CREB3L2: variants seen among roughly 807,000 people sequenced by gnomAD.
The protein encoded by CREB3L2 is cyclic AMP-responsive element-binding protein 3-like protein 2.
CREB3L2 carries 23 observed loss-of-function variants against 57.2 expected under a neutral mutation model. The observed-to-expected ratio is 0.40, with a 90% CI of 0.29 to 0.57. The LOEUF is 0.57. Among genes scored for constraint, CREB3L2 ranks in the 20% least tolerant of loss-of-function variants. CREB3L2 has a pLI of 0.42. For missense variants in CREB3L2, 628 were observed against 634.7 expected (o/e 0.99, Z 0.11); for synonymous variants, 268 against 265.1 (o/e 1.01, Z -0.11).
intron 1 of CREB3L2, among the ~76,000 whole-genome samples, chr7:137,947,094 C>G (rs994315306): frequency 6.8e-6 from 1 of 148,132 alleles, no homozygotes; most frequent in African/African-American, 2.6e-5. Context: ...AGCGCTCTCT[C>G]TCTCTCTCGC....
Position 137,958,141 on chromosome 7 carries a change from G to C in CREB3L2, c.103-29775C>G, listed in dbSNP as rs560723549. Reference sequence around the variant, plus strand: ...CTGGGGTCAGTCCTCAGTGGGAAGAGAGTAGAGTTTACAGGCCAGAAGTCA... The same window carrying C: ...CTGGGGTCAGTCCTCAGTGGGAAGACAGTAGAGTTTACAGGCCAGAAGTCA... On this transcript the variant is annotated intron_variant, in intron 1 of 11. Transcript: ENST00000330387. Among the ~76,000 whole-genome samples, 4 of 152,300 alleles carry C rather than the reference G, an allele frequency of 2.6e-5. 1 individual carries two copies. Among genetic ancestry groups the C allele is most frequent in the African/African-American group, 9.6e-5 (4 of 41,562 alleles).
intron 1 of CREB3L2, among the ~76,000 whole-genome samples, chr7:137,930,190 C>T (rs1263288550): frequency 6.6e-6 from 1 of 152,162 alleles, no homozygotes; most frequent in Admixed American, 6.5e-5. Flanking sequence ...AGCCACTGTG[C>T]CCGGCCAATA....
intron 4 of CREB3L2, among the ~76,000 whole-genome samples, chr7:137,909,925 C>T (rs1799971817): frequency 6.6e-6 from 1 of 152,074 alleles, no homozygotes; most frequent in South Asian, 2.1e-4. Context: ...CTGATGAAAC[C>T]CCTTTTGCTT....
At chr7:137,927,597 G>T (rs1800502636) in intron 2 of CREB3L2, among the ~76,000 whole-genome samples, 1 of 152,026 alleles carries the variant, frequency 6.6e-6, no homozygotes, top group Admixed American at 6.6e-5. Context: ...CATCTCTAAG[G>T]CCAGAAAAAC....
intron 8 of CREB3L2, among the ~76,000 whole-genome samples, 172 bp downstream of exon 8, chr7:137,901,182 G>A (rs116979138): frequency 0.044 from 6,713 of 152,284 alleles, 405 homozygotes; most frequent in East Asian, 0.18. Flanking sequence ...GCATGCGTGT[G>A]TGTGTAGCAG....
At chr7:137,982,933 T>A (rs910270571) in intron 1 of CREB3L2, among the ~76,000 whole-genome samples, 6 of 152,024 alleles carry the variant, frequency 3.9e-5, no homozygotes, top group African/African-American at 1.4e-4. Flanking sequence ...CAGGAGGACA[T>A]AGTGAGAAGA....
chr7:137,993,004 G>C (rs937882285), intron 1 of CREB3L2, among the ~76,000 whole-genome samples: 3 of 152,114 alleles, frequency 2.0e-5, no homozygotes, highest in African/African-American at 7.2e-5. Flanking sequence ...GAGTAAGAGG[G>C]AGCATCTGGC....
chr7:137,937,602 A>G (rs181976518), intron 1 of CREB3L2, among the ~76,000 whole-genome samples: 96 of 152,360 alleles, frequency 6.3e-4, no homozygotes, highest in African/African-American at 2.1e-3. Flanking sequence ...GTGAAATTTC[A>G]AGGATACCCA....
chr7:137,964,726 T>C (rs1214110910), intron 1 of CREB3L2, among the ~76,000 whole-genome samples: 1 of 152,224 alleles, frequency 6.6e-6, no homozygotes, highest in Non-Finnish European at 1.5e-5. Context: ...AATCCAGTAG[T>C]GATATGGTTT....
chr7:137,905,775 A>G lies in CREB3L2; in HGVS notation c.842T>C (p.Ile281Thr). 1 of 1,614,030 alleles carries G rather than the reference A, an allele frequency of 6.2e-7. No individual in the cohort carries two copies. The highest frequency in any genetic ancestry group is 1.1e-5 in the South Asian group (1 of 91,064). ...KRTLIAEGYP[I>T]PTKLPLSKSE... ...TTTTGACAGGGGCAATTTGGTGGGG[A>G]TGGGATAGCCCTCAGCGATCAGGGT... The change falls in exon 6 of 12, where the codon ATC becomes ACC. Residue 281 changes from isoleucine (I) to threonine (T), a missense_variant. Physicochemically the swap from Ile to Thr is moderately conservative, Grantham distance 89. Transcript: ENST00000330387.
chr7:137,903,874 G>T, intron 7 of CREB3L2, 85 bp downstream of exon 7: 2 of 1,190,230 alleles, frequency 1.7e-6, no homozygotes, highest in South Asian at 1.3e-5. Flanking sequence ...AAGAGGAATT[G>T]AACTGCTTCT....
intron 1 of CREB3L2, among the ~76,000 whole-genome samples, chr7:137,968,417 G>T (rs973767828): frequency 2.0e-5 from 3 of 151,590 alleles, no homozygotes; most frequent in African/African-American, 7.3e-5. Flanking sequence ...TTGTCCATGT[G>T]TTCTCAACGT....
chr7:137,995,080 A>C (rs1474577470), intron 1 of CREB3L2, among the ~76,000 whole-genome samples: 1 of 152,114 alleles, frequency 6.6e-6, no homozygotes, highest in Non-Finnish European at 1.5e-5. Flanking sequence ...AATCCTTACC[A>C]ATAAAGCTTT....
intron 8 of CREB3L2, among the ~76,000 whole-genome samples, chr7:137,891,154 A>T (rs1799521607): frequency 6.6e-6 from 1 of 152,202 alleles, no homozygotes; most frequent in African/African-American, 2.4e-5. Context: ...CTGTGGTGAG[A>T]TGTAAAAATA....
rs755762834 is a variant in CREB3L2, at chr7:137,915,817, CA to C, written c.495+19del. On this transcript the variant is annotated intron_variant, in intron 3 of 11. Transcript: ENST00000330387. ...TATCTTTTAATCCAACCTGTTTAAA[CA>C]GACGAAAATTGAGCATACCCCAGTG... is the stretch of plus-strand genomic sequence containing the variant. The C allele has an allele frequency of 3.1e-6, 5 of 1,607,926 alleles. No individual in the cohort carries two copies. Among genetic ancestry groups the C allele is most frequent in the Non-Finnish European group, 8.5e-7 (1 of 1,176,778 alleles).
chr7:137,944,266 G>T (rs940569246), intron 1 of CREB3L2, among the ~76,000 whole-genome samples: 2 of 152,190 alleles, frequency 1.3e-5, no homozygotes, highest in African/African-American at 4.8e-5. Flanking sequence ...GAGTCCGTGT[G>T]TGGAACGAAG....
chr7:137,939,856 C>G (rs1336381698), intron 1 of CREB3L2, among the ~76,000 whole-genome samples: 1 of 152,190 alleles, frequency 6.6e-6, no homozygotes, highest in Non-Finnish European at 1.5e-5. Flanking sequence ...GGGCTTTTTG[C>G]CTGATCTATC....
intron 4 of CREB3L2, among the ~76,000 whole-genome samples, chr7:137,911,479 A>T (rs1453109745): frequency 6.6e-6 from 1 of 152,204 alleles, no homozygotes; most frequent in African/African-American, 2.4e-5. Context: ...TTCGGTGACA[A>T]CTGTATAAGC....
intron 5 of CREB3L2, 39 bp downstream of exon 5, chr7:137,908,213 G>A (rs745768906): frequency 9.0e-6 from 11 of 1,222,906 alleles, no homozygotes; most frequent in Non-Finnish European, 3.1e-6. Context: ...TGAATGGAGA[G>A]GGTTCCCTTT....
Sources: allele counts gnomAD v4.1 joint callset (sites outside exome capture counted in the v4.1 genomes callset), GRCh38; gene constraint gnomAD v4.1.1; transcripts MANE v1.5; gene names NCBI Gene and HGNC (gene_info 2026-07-23, HGNC 2026-07-21).